Variants in SWAP70 observed in about 807,000 individuals in gnomAD.
SWAP70 encodes switching B cell complex subunit SWAP70.
A neutral mutation model predicts 80.2 loss-of-function variants in SWAP70; 34 were observed. The ratio of observed to expected loss-of-function variants is 0.42; its 90% CI spans 0.32 to 0.56. SWAP70 has a LOEUF of 0.56. SWAP70 is among the 20% of genes least tolerant of loss of function. The probability of loss-of-function intolerance (pLI) is 0.09; values close to 1 mark genes in which losing one functional copy is unlikely to be tolerated. For synonymous variants in SWAP70, 239 were observed against 238.5 expected (o/e 1.00, Z -0.02); for missense variants, 578 against 690.7 (o/e 0.84, Z 1.83).
chr11:9,690,616 G>A (rs748916176), intron 1 of SWAP70, among the ~76,000 whole-genome samples: 24 of 151,992 alleles, frequency 1.6e-4, no homozygotes, highest in Admixed American at 2.6e-4. Flanking sequence ...ACTGGGCATG[G>A]TGGCTCATGT....
At chr11:9,728,011 A>G in intron 4 of SWAP70, 42 bp from the exon 5 acceptor site, 2 of 1,540,384 alleles carry the variant, frequency 1.3e-6, no homozygotes, top group East Asian at 2.4e-5. Flanking sequence ...AGCTCTTACA[A>G]ATAAAAAGAC....
chr11:9,674,841 C>T (rs1020276471), intron 1 of SWAP70, among the ~76,000 whole-genome samples: 2 of 151,618 alleles, frequency 1.3e-5, no homozygotes, highest in Admixed American at 6.6e-5. Flanking sequence ...TGGTGGCGGG[C>T]GGCTGTAGTC....
At chr11:9,697,993 C>A (rs1029692634) in intron 2 of SWAP70, among the ~76,000 whole-genome samples, 5 of 151,948 alleles carry the variant, frequency 3.3e-5, no homozygotes, top group African/African-American at 1.2e-4. Flanking sequence ...ACTATGTTGC[C>A]CAGACTGGTC....
chr11:9,669,409 T>C (rs1314008248), intron 1 of SWAP70, among the ~76,000 whole-genome samples: 2 of 152,176 alleles, frequency 1.3e-5, no homozygotes, highest in Non-Finnish European at 2.9e-5. Context: ...TTTGTATTTT[T>C]AGTGGAGACA....
intron 1 of SWAP70, among the ~76,000 whole-genome samples, chr11:9,665,150 T>C (rs1850293284): frequency 1.3e-5 from 2 of 152,252 alleles, no homozygotes; most frequent in South Asian, 4.1e-4. Flanking sequence ...TCATAGGCAT[T>C]TAAAAATATA....
At chr11:9,671,515 T>A (rs1366411241) in intron 1 of SWAP70, among the ~76,000 whole-genome samples, 1 of 80,170 alleles carries the variant, frequency 1.2e-5, no homozygotes, top group African/African-American at 4.4e-5. Flanking sequence ...TATATAAATA[T>A]ATATATAAAT....
In SWAP70 at chr11:9,694,226, T is replaced by C; in HGVS notation, c.180T>C (p.Asp60=). 6.2e-7 allele frequency: 1 copy of C among 1,613,364 alleles called. No individual in the cohort carries two copies. ...VALEEHFRDD[D]EGPVSNQGYM... ...TTGAAGAGCACTTCAGGGATGATGA[T>C]GAGGGTCCAGTGTCCAACCAGGGCT... Residue 60 remains aspartate, a synonymous_variant, in exon 2 of 12, where the codon GAT becomes GAC. Coordinates refer to ENST00000318950, the MANE Select transcript of SWAP70 (RefSeq NM_015055.4).
chr11:9,671,496 A>T (rs1489046426), intron 1 of SWAP70, among the ~76,000 whole-genome samples: 17 of 89,908 alleles, frequency 1.9e-4, no homozygotes, highest in African/African-American at 6.9e-4. Flanking sequence ...ATAAATATAT[A>T]TATAAATATA....
At chr11:9,728,718 A>G (rs1851257178) in intron 5 of SWAP70, among the ~76,000 whole-genome samples, 1 of 152,192 alleles carries the variant, frequency 6.6e-6, no homozygotes, top group Non-Finnish European at 1.5e-5. Context: ...TTTTATATGA[A>G]CTGTCCCCGT....
intron 2 of SWAP70, among the ~76,000 whole-genome samples, chr11:9,710,489 AAGT>A (rs1442008020): frequency 3.3e-5 from 5 of 152,058 alleles, no homozygotes; most frequent in African/African-American, 1.2e-4. Flanking sequence ...CTACAAATTA[AAGT>A]TAGAGATCAG....
chr11:9,667,449 G>GT (rs1200385673), intron 1 of SWAP70, among the ~76,000 whole-genome samples: 1 of 151,542 alleles, frequency 6.6e-6, no homozygotes, highest in Non-Finnish European at 1.5e-5. Flanking sequence ...ATAGGGTTTT[G>GT]TCATGTTGTC....
intron 3 of SWAP70, among the ~76,000 whole-genome samples, chr11:9,715,301 A>G (rs528595329): frequency 6.6e-6 from 1 of 152,238 alleles, no homozygotes; most frequent in South Asian, 2.1e-4. Flanking sequence ...TTTTAAAAGT[A>G]TGCTGGATAG....
intron 1 of SWAP70, among the ~76,000 whole-genome samples, chr11:9,671,580 A>G (rs1213123733): frequency 5.2e-5 from 3 of 58,072 alleles, no homozygotes; most frequent in Non-Finnish European, 6.4e-5. Context: ...ATATAGAAAT[A>G]TATTTCTATA....
At chr11:9,741,342 T>C (rs1173007742) in intron 9 of SWAP70, 2 of 152,216 alleles carry the variant, frequency 1.3e-5, no homozygotes, top group African/African-American at 2.4e-5. Context: ...AATAGAAAAT[T>C]AAGCATGTAG....
In SWAP70 at chr11:9,671,964, TTA is replaced by T. The variant is rs367775485; in HGVS notation, c.99+7690_99+7691del. ...TATATTTTATAATATATAATATATT[TTA>T]TATGTTATATATTTTTCTATATTTT... On this transcript the variant is annotated intron_variant, in intron 1 of 11. Transcript: ENST00000318950. Among the ~76,000 whole-genome samples, 511 of 113,110 alleles carry T rather than the reference TTA, an allele frequency of 4.5e-3. 3 individuals are homozygous for T. The highest frequency in any genetic ancestry group is 0.037 in the Middle Eastern group (3 of 82). 74.2% of individuals were successfully genotyped at this position (113,110 alleles called of 152,430 possible).
At chr11:9,690,377 A>G (rs1023026022) in intron 1 of SWAP70, among the ~76,000 whole-genome samples, 1 of 152,186 alleles carries the variant, frequency 6.6e-6, no homozygotes. Context: ...CAGGAGTTTG[A>G]GACCAGTCTG....
rs138279125 is a variant in SWAP70, at chr11:9,727,519, C to T, written c.643-534C>T. On this transcript the variant is annotated intron_variant, in intron 4 of 11. Coordinates refer to ENST00000318950, the MANE Select transcript of SWAP70 (RefSeq NM_015055.4). ...GGATTACAGGCATGAGCCACTGCAT[C>T]AGGCCTGATCGAGGTTTTAATTTAC... 4.6e-4 allele frequency among the ~76,000 whole-genome samples: 66 copies of T among 144,578 alleles called. 1 individual carries two copies. The highest frequency in any genetic ancestry group is 1.7e-3 in the African/African-American group (64 of 37,358). 94.8% of individuals were successfully genotyped at this position (144,578 alleles called of 152,430 possible). A position where few individuals can be genotyped will look rare whatever the true frequency, so the allele number is the denominator to read the frequency against.
intron 1 of SWAP70, among the ~76,000 whole-genome samples, chr11:9,684,315 CA>C (rs1163094083): frequency 6.6e-6 from 1 of 152,176 alleles, no homozygotes; most frequent in African/African-American, 2.4e-5. Context: ...CTCCTGACCT[CA>C]AGTGATCCTC....
rs1851119056 is a variant in SWAP70, at chr11:9,720,375, A to G, written c.415-4283A>G. The G allele has an allele frequency of 4.1e-6, 4 of 985,346 alleles. No individual in the cohort carries two copies. In the South Asian group the frequency reaches 1.4e-4, roughly 35 times the overall value. The allele number at this position is 985,346 out of a possible 1,614,324, so 61.0% of individuals were successfully genotyped here. ...AGGATGAACCTGGCAAGCTACTTCT[A>G]GAGCTGAGTTTGCTACTAATAGGCG... On this transcript the variant is annotated intron_variant, in intron 3 of 11. Coordinates refer to ENST00000318950, the MANE Select transcript of SWAP70 (RefSeq NM_015055.4).
Sources: allele counts gnomAD v4.1 joint callset (sites outside exome capture counted in the v4.1 genomes callset), GRCh38; gene constraint gnomAD v4.1.1; transcripts MANE v1.5; gene names NCBI Gene and HGNC (gene_info 2026-07-23, HGNC 2026-07-21).